KLRG1: variants seen among roughly 807,000 people sequenced by gnomAD.
KLRG1 encodes killer cell lectin-like receptor subfamily G member 1.
In KLRG1, 16 loss-of-function variants were observed where a neutral mutation model predicts 21.8. The ratio of observed to expected loss-of-function variants is 0.73; its 90% CI spans 0.50 to 1.11. The LOEUF (loss-of-function observed/expected upper bound fraction) is 1.11. Ranked by LOEUF, KLRG1 falls within the 50% of genes most tolerant of loss-of-function variation. The pLI, the probability that KLRG1 is intolerant of heterozygous loss-of-function variation, is 0.00. For synonymous variants in KLRG1, 69 were observed against 75.9 expected, an observed-to-expected ratio of 0.91 and a Z score of 0.47; for missense variants, 173 against 218.3, an observed-to-expected ratio of 0.79 and a Z score of 1.31.
At chr12:8,972,450 C>A (rs1946586771) in intron 1 of KLRG1, among the ~76,000 whole-genome samples, 1 of 152,220 alleles carries the variant, frequency 6.6e-6, no homozygotes, top group Admixed American at 6.5e-5. Context: ...TGAGCCACTG[C>A]ACCCAGCCAG....
the KLRG1 span, chr12:9,116,075 A>G: frequency 1.9e-6 from 1 of 528,574 alleles, no homozygotes; most frequent in South Asian, 1.8e-5. Context: ...CTGGCGGGCT[A>G]AATAGAATCC....
At chr12:8,977,156 G>A (rs1282399565) in intron 1 of KLRG1, among the ~76,000 whole-genome samples, 2 of 150,680 alleles carry the variant, frequency 1.3e-5, no homozygotes, top group Non-Finnish European at 2.9e-5. Context: ...GTCTATGTCT[G>A]TTCTTAAGTC....
At chr12:9,079,629 A>AT in the KLRG1 span, 3 of 1,607,820 alleles carry the variant, frequency 1.9e-6, no homozygotes, top group South Asian at 3.3e-5. Context: ...TTACTCAAGT[A>AT]ATCACTCACC....
the KLRG1 span, among the ~76,000 whole-genome samples, chr12:9,086,224 T>G: frequency 6.6e-6 from 1 of 152,156 alleles, no homozygotes; most frequent in East Asian, 1.9e-4. Context: ...TTGATGAATA[T>G]AGATGCAAAA....
chr12:8,989,448 T>C (rs78699719), upstream of KLRG1: 5 of 517,662 alleles, frequency 9.7e-6, no homozygotes, highest in East Asian at 1.7e-4. Flanking sequence ...GGCAAAAAAA[T>C]AGCAACTTAC....
the KLRG1 span, among the ~76,000 whole-genome samples, chr12:9,124,942 C>T: frequency 6.6e-6 from 1 of 152,338 alleles, no homozygotes; most frequent in South Asian, 2.1e-4. Context: ...GATCAATCAG[C>T]AGGCATTTCC....
At chr12:9,182,539 G>C in the KLRG1 span, among the ~76,000 whole-genome samples, 2 of 152,104 alleles carry the variant, frequency 1.3e-5, no homozygotes, top group Non-Finnish European at 2.9e-5. Flanking sequence ...CTTTTAAAAA[G>C]CTCTGTATGT....
At chr12:9,159,372 C>A in the KLRG1 span, among the ~76,000 whole-genome samples, 1,554 of 152,252 alleles carry the variant, frequency 0.01, 28 homozygotes, top group African/African-American at 0.035. Flanking sequence ...GCTAATAACT[C>A]TCACTTCCCA....
the KLRG1 span, among the ~76,000 whole-genome samples, chr12:9,041,951 A>C: frequency 1.3e-5 from 2 of 152,210 alleles, no homozygotes; most frequent in African/African-American, 4.8e-5. Context: ...CAAAAATCTA[A>C]AATATGTGGC....
the KLRG1 span, among the ~76,000 whole-genome samples, chr12:9,087,956 A>G: frequency 6.6e-6 from 1 of 152,150 alleles, no homozygotes; most frequent in Non-Finnish European, 1.5e-5. Flanking sequence ...GAATAGTTGA[A>G]AAAACCAATA....
At chr12:9,144,839 C>T in the KLRG1 span, among the ~76,000 whole-genome samples, 2 of 152,182 alleles carry the variant, frequency 1.3e-5, no homozygotes, top group East Asian at 1.9e-4. Flanking sequence ...GGTTTATTTT[C>T]GTGTTGGAAT....
the KLRG1 span, among the ~76,000 whole-genome samples, chr12:9,172,543 T>C: frequency 6.6e-6 from 1 of 152,118 alleles, no homozygotes; most frequent in African/African-American, 2.4e-5. Flanking sequence ...AATGGCAAGC[T>C]GAATAAAGAG....
rs778336162 is a variant in KLRG1 at position 9,007,580 on chromosome 12, C to T, written c.358-1395C>T. 1.7e-4 allele frequency among the ~76,000 whole-genome samples: 26 copies of T among 152,162 alleles called. 1 individual carries two copies. In the South Asian group the frequency reaches 5.4e-3, roughly 32 times the overall value. On this transcript the variant is annotated intron_variant, in intron 3 of 4. Coordinates refer to ENST00000356986, the MANE Select transcript of KLRG1 (RefSeq NM_005810.4). ...GCCACTGTGCCTGGCCCTCCCTTAA[C>T]TTTAGAAGAGCAACTCTTTATTTGT...
chr12:8,980,054 C>T (rs1430542197), intron 1 of KLRG1, among the ~76,000 whole-genome samples: 1 of 152,000 alleles, frequency 6.6e-6, no homozygotes, highest in Non-Finnish European at 1.5e-5. Flanking sequence ...GGGCCTGCCA[C>T]CATGCCTGGC....
chr12:9,120,885 A>G, the KLRG1 span, among the ~76,000 whole-genome samples: 1,856 of 50,188 alleles, frequency 0.037, 18 homozygotes, highest in South Asian at 0.12. Flanking sequence ...GTGTGTGTGT[A>G]TTTTTTTTTT....
At chr12:9,211,604 G>GA in the KLRG1 span, among the ~76,000 whole-genome samples, 1 of 151,058 alleles carries the variant, frequency 6.6e-6, no homozygotes. Flanking sequence ...ATTTGGGGTG[G>GA]AGATTAGTTA....
At chr12:9,153,890 A>G in the KLRG1 span, among the ~76,000 whole-genome samples, 1 of 152,250 alleles carries the variant, frequency 6.6e-6, no homozygotes, top group African/African-American at 2.4e-5. Context: ...ACAATCATTT[A>G]TACTCTCGAT....
chr12:9,050,058 GA>G, the KLRG1 span, among the ~76,000 whole-genome samples: 1 of 151,656 alleles, frequency 6.6e-6, no homozygotes, highest in Admixed American at 6.6e-5. Context: ...ATAAACTTCA[GA>G]AAAAAAATCT....
At chr12:9,101,502 T>C in the KLRG1 span, 2 of 1,613,748 alleles carry the variant, frequency 1.2e-6, no homozygotes. Flanking sequence ...ATTCAGAATA[T>C]AATGTGCCTG....
Sources: allele counts gnomAD v4.1 joint callset (sites outside exome capture counted in the v4.1 genomes callset), GRCh38; gene constraint gnomAD v4.1.1; transcripts MANE v1.5; gene names NCBI Gene and HGNC (gene_info 2026-07-23, HGNC 2026-07-21).